KIAA1217: variants seen among roughly 807,000 people sequenced by gnomAD.
The protein encoded by KIAA1217 is KIAA1217, also known as sickle tail protein homolog.
Under a neutral mutation model 163.9 loss-of-function variants are expected in KIAA1217, and 88 were observed. The ratio of observed to expected loss-of-function variants is 0.54; its 90% CI spans 0.45 to 0.64. The LOEUF (loss-of-function observed/expected upper bound fraction) is 0.64. Ranked by LOEUF, KIAA1217 falls within the 30% of genes least tolerant of loss-of-function variation. The pLI, the probability that KIAA1217 is intolerant of heterozygous loss-of-function variation, is 0.00. For synonymous variants in KIAA1217, 903 were observed against 923.1 expected (o/e 0.98, Z 0.39); for missense variants, 2,372 against 2,475.0 (o/e 0.96, Z 0.88).
intron 2 of KIAA1217, among the ~76,000 whole-genome samples, chr10:24,140,538 G>A (rs2064019870): frequency 6.6e-6 from 1 of 152,108 alleles, no homozygotes; most frequent in South Asian, 2.1e-4. Context: ...GTGACTGTGG[G>A]TGGGTAACTT....
chr10:23,718,320 T>A (rs977363480), intron 1 of KIAA1217, among the ~76,000 whole-genome samples: 4 of 152,234 alleles, frequency 2.6e-5, no homozygotes, highest in Non-Finnish European at 5.9e-5. Flanking sequence ...GTATTTCTCC[T>A]TGTTTCTTTT....
At chr10:24,488,145 A>G (rs757044535) in intron 6 of KIAA1217, among the ~76,000 whole-genome samples, 37 of 152,228 alleles carry the variant, frequency 2.4e-4, no homozygotes, top group South Asian at 4.1e-4. Flanking sequence ...GGAGTTTCAG[A>G]TCTAGACAGT....
At chr10:24,330,056 T>C (rs2045458946) in intron 2 of KIAA1217, among the ~76,000 whole-genome samples, 1 of 152,038 alleles carries the variant, frequency 6.6e-6, no homozygotes, top group African/African-American at 2.4e-5. Flanking sequence ...TCCCAGCACT[T>C]TGGGAGGCCG....
intron 2 of KIAA1217, among the ~76,000 whole-genome samples, chr10:24,108,723 A>T (rs1217760620): frequency 6.6e-6 from 1 of 152,226 alleles, no homozygotes; most frequent in East Asian, 1.9e-4. Context: ...AATCATGCCA[A>T]GATCTAAATA....
At chr10:24,065,011 G>C (rs1464702356) in intron 2 of KIAA1217, among the ~76,000 whole-genome samples, 2 of 151,888 alleles carry the variant, frequency 1.3e-5, no homozygotes, top group Admixed American at 6.6e-5. Context: ...TTTTTATTGC[G>C]TCTATTTGAT....
chr10:24,328,866 C>A (rs1279330018), intron 2 of KIAA1217, among the ~76,000 whole-genome samples: 6 of 151,974 alleles, frequency 3.9e-5, no homozygotes, highest in Admixed American at 1.3e-4. Flanking sequence ...GATATGGAAT[C>A]ACTGTCCTTC....
intron 2 of KIAA1217, among the ~76,000 whole-genome samples, chr10:24,331,062 G>T (rs1238431913): frequency 6.6e-6 from 1 of 151,818 alleles, no homozygotes; most frequent in African/African-American, 2.4e-5. Context: ...TCCCACCTCG[G>T]TCTCCCAGGT....
intron 2 of KIAA1217, among the ~76,000 whole-genome samples, chr10:24,224,145 G>T (rs1251359156): frequency 6.6e-6 from 1 of 152,128 alleles, no homozygotes; most frequent in Admixed American, 6.6e-5. Flanking sequence ...ATGCTGATCT[G>T]CATAATAGTA....
At chr10:23,731,359 A>T (rs1174841276) in intron 1 of KIAA1217, among the ~76,000 whole-genome samples, 1 of 152,234 alleles carries the variant, frequency 6.6e-6, no homozygotes, top group Non-Finnish European at 1.5e-5. Flanking sequence ...CAGTGGTGTT[A>T]GCATAATCTG....
At chr10:23,779,251 A>G (rs1011973474) in intron 1 of KIAA1217, among the ~76,000 whole-genome samples, 18 of 152,182 alleles carry the variant, frequency 1.2e-4, no homozygotes, top group Non-Finnish European at 1.5e-5. Flanking sequence ...GGCAGGTCAG[A>G]AAATCACATT....
intron 2 of KIAA1217, among the ~76,000 whole-genome samples, chr10:24,185,650 C>A (rs959805049): frequency 1.3e-5 from 2 of 152,012 alleles, no homozygotes; most frequent in African/African-American, 4.8e-5. Flanking sequence ...CAAAAATTAG[C>A]CAAGCATGGT....
chr10:23,718,311 T>C (rs1443519118), intron 1 of KIAA1217, among the ~76,000 whole-genome samples: 1 of 152,260 alleles, frequency 6.6e-6, no homozygotes, highest in Non-Finnish European at 1.5e-5. Flanking sequence ...AGAACACTTG[T>C]ATTTCTCCTT....
intron 2 of KIAA1217, among the ~76,000 whole-genome samples, chr10:24,145,726 C>A (rs571541242): frequency 6.6e-6 from 1 of 152,324 alleles, no homozygotes; most frequent in Admixed American, 6.5e-5. Context: ...GGCCCGAGAG[C>A]CCCTGACAAA....
intron 2 of KIAA1217, among the ~76,000 whole-genome samples, chr10:24,030,452 C>G (rs1848145449): frequency 6.6e-6 from 1 of 152,170 alleles, no homozygotes; most frequent in Non-Finnish European, 1.5e-5. Flanking sequence ...TTCCTCTTCG[C>G]CTTCCACCAT....
intron 1 of KIAA1217, among the ~76,000 whole-genome samples, chr10:23,996,308 C>T (rs11013838): frequency 2.0e-5 from 3 of 152,088 alleles, no homozygotes; most frequent in Non-Finnish European, 4.4e-5. Context: ...CTTCTTGCCT[C>T]GGATTGACAG....
chr10:24,470,634 G>A (rs1013101388), intron 5 of KIAA1217, among the ~76,000 whole-genome samples: 1 of 152,156 alleles, frequency 6.6e-6, no homozygotes, highest in Non-Finnish European at 1.5e-5. Context: ...GAGTAGAGAG[G>A]AAGTGGAGAT....
intron 1 of KIAA1217, among the ~76,000 whole-genome samples, chr10:23,835,294 T>C (rs1270366399): frequency 1.3e-5 from 2 of 151,966 alleles, no homozygotes; most frequent in Non-Finnish European, 2.9e-5. Context: ...CAGATGCTAA[T>C]AGTAGAAAAA....
intron 1 of KIAA1217, among the ~76,000 whole-genome samples, chr10:23,821,096 T>TGTGTGC (rs1293261472): frequency 1.5e-3 from 194 of 125,952 alleles, no homozygotes; most frequent in Non-Finnish European, 2.6e-3. Context: ...CTTGCAGCTG[T>TGTGTGC]GTGTGTGCGT....
At chr10:24,195,112 C>A (rs2066923139) in intron 2 of KIAA1217, among the ~76,000 whole-genome samples, 1 of 152,096 alleles carries the variant, frequency 6.6e-6, no homozygotes, top group Admixed American at 6.6e-5. Flanking sequence ...AGGCAACCCT[C>A]CCCTTGACTC....
Sources: allele counts gnomAD v4.1 joint callset (sites outside exome capture counted in the v4.1 genomes callset), GRCh38; gene constraint gnomAD v4.1.1; transcripts MANE v1.5; gene names NCBI Gene and HGNC (gene_info 2026-07-23, HGNC 2026-07-21).